MYT1L: variants seen among roughly 807,000 people sequenced by gnomAD.
The protein encoded by MYT1L is myelin transcription factor 1-like protein.
MYT1L carries 12 observed loss-of-function variants against 126.7 expected under a neutral mutation model. That is an observed-to-expected ratio of 0.09 (90% CI 0.06 to 0.15). The LOEUF (loss-of-function observed/expected upper bound fraction) is 0.15. MYT1L is among the 10% of genes least tolerant of loss of function. MYT1L has a pLI of 1.00. For synonymous variants in MYT1L, 541 were observed against 604.2 expected, an observed-to-expected ratio of 0.90 and a Z score of 1.53; for missense variants, 979 against 1,585.2, an observed-to-expected ratio of 0.62 and a Z score of 6.49.
chr2:1,971,583 T>C (rs2149447551), intron 8 of MYT1L, among the ~76,000 whole-genome samples: 1 of 151,992 alleles, frequency 6.6e-6, no homozygotes, highest in Non-Finnish European at 1.5e-5. Context: ...ATACAAAAAT[T>C]AGCCAGGCGT....
intron 8 of MYT1L, among the ~76,000 whole-genome samples, chr2:1,945,675 T>C (rs1341297390): frequency 6.6e-6 from 1 of 152,064 alleles, no homozygotes; most frequent in African/African-American, 2.4e-5. Flanking sequence ...AATATATATA[T>C]ATGTAAAGAG....
chr2:2,140,644 C>T (rs1291566957), intron 3 of MYT1L, among the ~76,000 whole-genome samples: 1 of 152,008 alleles, frequency 6.6e-6, no homozygotes. Context: ...CCATGTTAGC[C>T]AGGATGGTCT....
intron 18 of MYT1L, among the ~76,000 whole-genome samples, chr2:1,867,587 GC>G (rs1400155082): frequency 4.6e-5 from 7 of 152,210 alleles, no homozygotes; most frequent in Admixed American, 3.3e-4. Context: ...AATGGCAGAT[GC>G]CAAGAGTGGT....
chr2:2,005,420 GTTCTTTCCTGTGTGCC>G (rs2063162285), intron 4 of MYT1L, among the ~76,000 whole-genome samples: 1 of 138,298 alleles, frequency 7.2e-6, no homozygotes. Flanking sequence ...TTCCTCATGC[GTTCTTTCCTGTGTGCC>G]TTCTTTCCTG....
chr2:2,287,483 A>G (rs574759782), intron 1 of MYT1L, among the ~76,000 whole-genome samples: 7 of 152,178 alleles, frequency 4.6e-5, no homozygotes, highest in Non-Finnish European at 1.0e-4. Context: ...TTTACAGAAA[A>G]TCAGCTAGCA....
intron 13 of MYT1L, among the ~76,000 whole-genome samples, chr2:1,908,609 C>T (rs540369289): frequency 1.3e-5 from 2 of 152,380 alleles, no homozygotes; most frequent in South Asian, 4.1e-4. Flanking sequence ...CTTTCAAATT[C>T]TCCTTTGACC....
intron 18 of MYT1L, among the ~76,000 whole-genome samples, chr2:1,875,083 AAC>A (rs1272854938): frequency 1.3e-5 from 2 of 151,496 alleles, no homozygotes; most frequent in African/African-American, 4.8e-5. Flanking sequence ...AACAATGGGC[AAC>A]ATGTGCTGAG....
chr2:1,899,618 G>A (rs150348826), intron 14 of MYT1L, among the ~76,000 whole-genome samples: 17 of 152,290 alleles, frequency 1.1e-4, no homozygotes, highest in Admixed American at 9.1e-4. Context: ...ACGGGTCTCC[G>A]TCCTGGCCTC....
intron 8 of MYT1L, among the ~76,000 whole-genome samples, chr2:1,947,643 C>T (rs1333845352): frequency 6.6e-6 from 1 of 152,244 alleles, no homozygotes; most frequent in African/African-American, 2.4e-5. Flanking sequence ...TTTCCATCTC[C>T]TGGCAGCTGC....
intron 3 of MYT1L, among the ~76,000 whole-genome samples, chr2:2,085,805 G>A (rs2076292117): frequency 6.6e-6 from 1 of 152,136 alleles, no homozygotes; most frequent in African/African-American, 2.4e-5. Context: ...TGCTGGAATC[G>A]ACCCACACGC....
chr2:2,067,357 GAA>G (rs1371200910), intron 3 of MYT1L, among the ~76,000 whole-genome samples: 1 of 152,072 alleles, frequency 6.6e-6, no homozygotes, highest in Admixed American at 6.5e-5. Context: ...CAAGTAGAAT[GAA>G]AAAAATGATT....
chr2:1,825,643 T>C (rs1336853744), intron 21 of MYT1L: 2 of 152,250 alleles, frequency 1.3e-5, no homozygotes, highest in Non-Finnish European at 1.5e-5. Flanking sequence ...CATCTCTTTA[T>C]TGGATATAAG....
At chr2:1,838,480 A>G (rs756409365) in intron 21 of MYT1L, among the ~76,000 whole-genome samples, 41 of 152,108 alleles carry the variant, frequency 2.7e-4, no homozygotes, top group Non-Finnish European at 5.4e-4. Flanking sequence ...TGGCCTTCAC[A>G]TCGTACATGT....
chr2:2,228,364 C>A lies in MYT1L; in HGVS notation c.-420-55376G>T, dbSNP rs1380514409. Among the ~76,000 whole-genome samples the A allele has an allele frequency of 1.3e-5, 2 of 152,158 alleles. No homozygotes were observed. Among genetic ancestry groups the A allele is most frequent in the Non-Finnish European group, 2.9e-5 (2 of 68,030 alleles). Reference sequence around the variant, plus strand: ...AGGATTATAATAATAATTTAGCTAGCCACATGGTTACTTACCATTGTGTTA... The same window carrying A: ...AGGATTATAATAATAATTTAGCTAGACACATGGTTACTTACCATTGTGTTA... On this transcript the variant is annotated intron_variant, in intron 2 of 24. Transcript: ENST00000647738. This position sits in a 1 kb window ranked among gnomAD's most constrained non-coding sequence, Gnocchi z 5.9.
Position 1,852,910 on chromosome 2 carries a change from A to G in MYT1L, c.2712-1207T>C, listed in dbSNP as rs2043456479. ...CTTTCCACTCAGAAAGTCACTATGG[A>G]TAGGGTACTGGGGGCTGAGACCAGG... On this transcript the variant is annotated intron_variant, in intron 18 of 24. Coordinates refer to ENST00000647738, the MANE Select transcript of MYT1L (RefSeq NM_001303052.2). This position sits in a 1 kb window ranked among gnomAD's most constrained non-coding sequence, Gnocchi z 4.0. Among the ~76,000 whole-genome samples, 1 of 152,164 alleles carries G rather than the reference A, an allele frequency of 6.6e-6. No homozygotes were observed. The highest frequency in any genetic ancestry group is 2.4e-5 in the African/African-American group (1 of 41,440).
At chr2:1,984,640 G>C (rs2060870322) in intron 5 of MYT1L, among the ~76,000 whole-genome samples, 1 of 150,932 alleles carries the variant, frequency 6.6e-6, no homozygotes, top group African/African-American at 2.4e-5. Context: ...CTCCCGAGTA[G>C]CTGGGACTAC....
chr2:2,050,923 A>G (rs1228738093), intron 4 of MYT1L, among the ~76,000 whole-genome samples: 1 of 152,174 alleles, frequency 6.6e-6, no homozygotes, highest in African/African-American at 2.4e-5. Flanking sequence ...CTAAAATTGA[A>G]TTCAGAAAGT....
At chr2:1,823,870 A>G (rs1464449437) in intron 21 of MYT1L, among the ~76,000 whole-genome samples, 1 of 152,234 alleles carries the variant, frequency 6.6e-6, no homozygotes, top group Non-Finnish European at 1.5e-5. Context: ...ACAATTTTTA[A>G]AAGTTCTCTG....
rs933561198 is a variant in MYT1L at position 2,059,402 on chromosome 2, C to T, written c.-303-5279G>A. On this transcript the variant is annotated intron_variant, in intron 3 of 24. Transcript: ENST00000647738. The surrounding 1 kb of genome is among the most constrained non-coding windows in gnomAD (Gnocchi z 4.7). Reference sequence around the variant, plus strand: ...TCGTGGCACCATAGTAAGCACCCGGCGGCGGTCTCACAGCACCGCAGGAAG... The same window carrying T: ...TCGTGGCACCATAGTAAGCACCCGGTGGCGGTCTCACAGCACCGCAGGAAG... Among the ~76,000 whole-genome samples the T allele has an allele frequency of 5.3e-5, 8 of 152,180 alleles. No homozygotes were observed. Among genetic ancestry groups the T allele is most frequent in the Non-Finnish European group, 1.0e-4 (7 of 68,032 alleles).
Sources: gnomAD v4.1 joint callset for allele counts (sites outside exome capture counted in the v4.1 genomes callset) on GRCh38, gnomAD v4.1.1 for gene constraint, Gnocchi (gnomAD v3.1) non-coding constraint, MANE v1.5 for transcripts, NCBI Gene and HGNC (gene_info 2026-07-23, HGNC 2026-07-21) for gene names.